The following LRRC4C variants were observed in gnomAD, a reference collection of about 807,000 sequenced individuals.
The protein encoded by LRRC4C is leucine rich repeat containing 4C.
In LRRC4C, 5 loss-of-function variants were observed where a neutral mutation model predicts 33.6. The observed-to-expected ratio is 0.15, with a 90% CI of 0.08 to 0.31. LRRC4C has a LOEUF of 0.31. LRRC4C is among the 10% of genes least tolerant of loss of function. The pLI is 1.00. For synonymous variants in LRRC4C, 329 were observed against 302.0 expected (o/e 1.09, Z -0.93); for missense variants, 560 against 796.7 (o/e 0.70, Z 3.58).
intron 1 of LRRC4C, among the ~76,000 whole-genome samples, chr11:41,400,443 T>C (rs1486787512): frequency 6.6e-6 from 1 of 151,890 alleles, no homozygotes; most frequent in African/African-American, 2.4e-5. Context: ...AATAACACAA[T>C]TTTTAGAACA....
chr11:41,159,424 T>A (rs1372806371), intron 1 of LRRC4C, among the ~76,000 whole-genome samples: 1 of 151,920 alleles, frequency 6.6e-6, no homozygotes, highest in African/African-American at 2.4e-5. Flanking sequence ...TGTTTCAGAG[T>A]GCTAAAGGGC....
At chr11:41,322,513 T>C (rs569989696) in intron 1 of LRRC4C, among the ~76,000 whole-genome samples, 1 of 152,268 alleles carries the variant, frequency 6.6e-6, no homozygotes, top group Non-Finnish European at 1.5e-5. Flanking sequence ...CCAAAACCTT[T>C]AGTAATATAA....
At chr11:41,194,712 C>T (rs1365624243) in intron 1 of LRRC4C, among the ~76,000 whole-genome samples, 1 of 152,054 alleles carries the variant, frequency 6.6e-6, no homozygotes. Flanking sequence ...TCAACGCCAG[C>T]CAAGACTTTG....
chr11:41,007,654 T>A (rs1854861500), intron 1 of LRRC4C, among the ~76,000 whole-genome samples: 1 of 152,156 alleles, frequency 6.6e-6, no homozygotes, highest in Non-Finnish European at 1.5e-5. Context: ...AGGTGATGTA[T>A]AATGGTGATA....
At chr11:40,263,724 G>A (rs550984768) in intron 4 of LRRC4C, among the ~76,000 whole-genome samples, 60 of 152,264 alleles carry the variant, frequency 3.9e-4, no homozygotes, top group Admixed American at 7.2e-4. Flanking sequence ...TTCACCGCAG[G>A]AAAGGCCATT....
intron 1 of LRRC4C, among the ~76,000 whole-genome samples, chr11:41,164,880 C>T (rs1468040972): frequency 2.0e-5 from 3 of 152,132 alleles, no homozygotes; most frequent in East Asian, 1.9e-4. Flanking sequence ...TAAAATCCCT[C>T]GTGGCTTGGA....
intron 2 of LRRC4C, among the ~76,000 whole-genome samples, chr11:40,913,096 T>C (rs4756624): frequency 0.98 from 149,163 of 152,100 alleles, 73,227 homozygotes; most frequent in East Asian, 1. Flanking sequence ...ACAATAATAA[T>C]GGGAGACTTT....
At chr11:41,242,275 C>T (rs1477735997) in intron 1 of LRRC4C, among the ~76,000 whole-genome samples, 2 of 152,064 alleles carry the variant, frequency 1.3e-5, no homozygotes, top group Admixed American at 6.5e-5. Context: ...GGGACAACCA[C>T]GTTTTCAAAG....
intron 1 of LRRC4C, among the ~76,000 whole-genome samples, chr11:41,244,074 G>A (rs1948356432): frequency 6.6e-6 from 1 of 152,218 alleles, no homozygotes; most frequent in East Asian, 1.9e-4. Context: ...ATAATGAGAA[G>A]AGAATGGATA....
At chr11:40,476,661 A>T (rs1310794076) in intron 3 of LRRC4C, among the ~76,000 whole-genome samples, 1 of 152,038 alleles carries the variant, frequency 6.6e-6, no homozygotes, top group Non-Finnish European at 1.5e-5. Flanking sequence ...CAATTTTCTT[A>T]AACATTAAAT....
At chr11:40,283,793 C>A (rs1220930407) in intron 4 of LRRC4C, among the ~76,000 whole-genome samples, 1 of 150,184 alleles carries the variant, frequency 6.7e-6, no homozygotes, top group Non-Finnish European at 1.5e-5. Flanking sequence ...CAACCTCTGC[C>A]TCCTGGGTTC....
At chr11:41,257,295 A>G (rs180920565) in intron 1 of LRRC4C, among the ~76,000 whole-genome samples, 1 of 152,178 alleles carries the variant, frequency 6.6e-6, no homozygotes, top group Admixed American at 6.6e-5. Context: ...GACAAGAAAT[A>G]TACTATAAAA....
chr11:40,766,250 A>C (rs1565033758), intron 2 of LRRC4C, among the ~76,000 whole-genome samples: 1 of 149,866 alleles, frequency 6.7e-6, no homozygotes, highest in Non-Finnish European at 1.5e-5. Context: ...ACTTTCAAAC[A>C]TGAGAGGGAA....
At chr11:40,634,288 T>G (rs1360489652) in intron 3 of LRRC4C, among the ~76,000 whole-genome samples, 2 of 152,184 alleles carry the variant, frequency 1.3e-5, no homozygotes, top group Non-Finnish European at 2.9e-5. Flanking sequence ...TAAAGAAGCT[T>G]CGCTTTCCAC....
At chr11:41,033,191 A>G (rs1856828533) in intron 1 of LRRC4C, among the ~76,000 whole-genome samples, 1 of 152,044 alleles carries the variant, frequency 6.6e-6, no homozygotes, top group South Asian at 2.1e-4. Flanking sequence ...AGGAAAAAAA[A>G]TCCTGAAGTC....
intron 2 of LRRC4C, among the ~76,000 whole-genome samples, chr11:40,648,582 T>G (rs1942599997): frequency 6.6e-6 from 1 of 152,228 alleles, no homozygotes; most frequent in South Asian, 2.1e-4. Flanking sequence ...AATTAAAATT[T>G]GCTTGTTACT....
At chr11:40,481,499 A>G (rs778632543) in intron 3 of LRRC4C, among the ~76,000 whole-genome samples, 10 of 152,158 alleles carry the variant, frequency 6.6e-5, no homozygotes, top group Non-Finnish European at 1.5e-4. Flanking sequence ...TCAGGTGGAT[A>G]GGGGCCTAAC....
intron 5 of LRRC4C, among the ~76,000 whole-genome samples, chr11:40,225,619 C>CCCT (rs1864732298): frequency 7.1e-6 from 1 of 140,830 alleles, no homozygotes; most frequent in Non-Finnish European, 1.5e-5. Flanking sequence ...CTCTCTCTCT[C>CCCT]TTTTTTTTTT....
intron 1 of LRRC4C, among the ~76,000 whole-genome samples, chr11:41,126,554 C>A (rs1440935406): frequency 6.6e-6 from 1 of 151,996 alleles, no homozygotes; most frequent in Non-Finnish European, 1.5e-5. Flanking sequence ...AGGTGGCCAG[C>A]AGCATATTGC....
Sources: allele counts gnomAD v4.1 joint callset (sites outside exome capture counted in the v4.1 genomes callset), GRCh38; gene constraint gnomAD v4.1.1; transcripts MANE v1.5; gene names NCBI Gene and HGNC (gene_info 2026-07-23, HGNC 2026-07-21).